CMKLR1: variants seen among roughly 807,000 people sequenced by gnomAD.
CMKLR1 encodes chemerin-like receptor 1.
Under a neutral mutation model 8.2 loss-of-function variants are expected in CMKLR1, and 6 were observed. That is an observed-to-expected ratio of 0.73 (90% confidence interval 0.40 to 1.44). The LOEUF (loss-of-function observed/expected upper bound fraction) is 1.44, where lower values mean the gene tolerates loss of function less well. Ranked by LOEUF, CMKLR1 falls within the 40% of genes most tolerant of loss-of-function variation. The probability of loss-of-function intolerance (pLI) is 0.02; values close to 1 mark genes in which losing one functional copy is unlikely to be tolerated. For synonymous variants in CMKLR1, 178 were observed against 181.2 expected, an observed-to-expected ratio of 0.98 and a Z score of 0.14; for missense variants, 429 against 478.0, an observed-to-expected ratio of 0.90 and a Z score of 0.96.
chr12:108,325,009 C>T (rs1317203553), intron 2 of CMKLR1, among the ~76,000 whole-genome samples: 1 of 152,126 alleles, frequency 6.6e-6, no homozygotes, highest in African/African-American at 2.4e-5. Context: ...TGGAAGACCA[C>T]AGCTGGTTCA....
In CMKLR1 at chr12:108,292,650, A is replaced by G; in HGVS notation, c.313T>C (p.Trp105Arg). ...HITYAAMDYH[W>R]VFGTAMCKIS... ...TTGCACATGGCTGTCCCGAAAACCC[A>G]GTGGTAGTCCATGGCGGCATAGGTG... The change falls in exon 4 of 4, where the codon TGG becomes CGG. Residue 105 changes from tryptophan (W) to arginine (R), a missense_variant. By Grantham distance (101) the Trp-to-Arg change is moderately radical (BLOSUM62 -3). Coordinates refer to ENST00000550402, the MANE Select transcript of CMKLR1 (RefSeq NM_001142343.2). 1 of 1,614,198 alleles carries G rather than the reference A, an allele frequency of 6.2e-7. No homozygotes were observed. Among genetic ancestry groups the G allele is most frequent in the Non-Finnish European group, 8.5e-7 (1 of 1,180,044 alleles).
chr12:108,321,827 C>T (rs1034597072), intron 2 of CMKLR1, among the ~76,000 whole-genome samples: 1 of 152,166 alleles, frequency 6.6e-6, no homozygotes, highest in African/African-American at 2.4e-5. Context: ...GAATTGAGCA[C>T]ATATGGTGAT....
At chr12:108,318,120 C>A (rs1891776837) in intron 2 of CMKLR1, among the ~76,000 whole-genome samples, 1 of 152,154 alleles carries the variant, frequency 6.6e-6, no homozygotes. Context: ...TTAACTAGTC[C>A]CAGGGATGGG....
chr12:108,321,192 C>G (rs1891853542), intron 2 of CMKLR1, among the ~76,000 whole-genome samples: 1 of 152,208 alleles, frequency 6.6e-6, no homozygotes, highest in African/African-American at 2.4e-5. Flanking sequence ...GAGAGCACAG[C>G]TTGGACTGGA....
chr12:108,332,896 C>T (rs55764666), intron 1 of CMKLR1, among the ~76,000 whole-genome samples: 1,924 of 152,214 alleles, frequency 0.013, 20 homozygotes, highest in Middle Eastern at 0.02. Context: ...ATTACTTAAG[C>T]CCCAGAGGTC....
intron 2 of CMKLR1, among the ~76,000 whole-genome samples, chr12:108,303,012 C>T (rs967931797): frequency 8.5e-5 from 13 of 152,162 alleles, no homozygotes; most frequent in Admixed American, 7.2e-4. Flanking sequence ...ACAAACACTC[C>T]GATCCCTGCC....
chr12:108,309,529 C>G (rs569529428), intron 2 of CMKLR1, among the ~76,000 whole-genome samples: 1 of 150,344 alleles, frequency 6.7e-6, no homozygotes, highest in Non-Finnish European at 1.5e-5. Flanking sequence ...GGTGAGACCT[C>G]CATCTCCAAA....
chr12:108,334,982 T>C (rs1053300887), intron 1 of CMKLR1, among the ~76,000 whole-genome samples: 1 of 152,186 alleles, frequency 6.6e-6, no homozygotes, highest in Non-Finnish European at 1.5e-5. Flanking sequence ...GAAAAATCCA[T>C]GTTTAGGGGC....
At position 108,292,055 on chromosome 12, in the gene CMKLR1, G is replaced by A; in HGVS notation, c.908C>T (p.Ala303Val). The A allele has an allele frequency of 1.2e-6, 2 of 1,614,218 alleles. No individual in the cohort carries two copies. The highest frequency in any genetic ancestry group is 8.5e-7 in the Non-Finnish European group (1 of 1,180,030). ...CATGCAGCTGTTGGCAATGGCAAGG[G>A]CAGTGGCCAGGGGCAAACCCAGGCT... The part of the protein sequence containing the change: ...VFSLGLPLAT[A>V]LAIANSCMNP... The change falls in exon 4 of 4, where the codon GCC becomes GTC. Residue 303 changes from alanine (A) to valine (V), a missense_variant. Coordinates refer to ENST00000550402, the MANE Select transcript of CMKLR1 (RefSeq NM_001142343.2).
At chr12:108,338,604 G>C (rs150560469) in intron 1 of CMKLR1, among the ~76,000 whole-genome samples, 33 of 152,094 alleles carry the variant, frequency 2.2e-4, no homozygotes, top group African/African-American at 5.8e-4. Context: ...ATTTCTAAAA[G>C]GTATTCATAA....
Position 108,324,611 on chromosome 12 carries a change from T to C in CMKLR1, c.-74+5384A>G, listed in dbSNP as rs565126330. Among the ~76,000 whole-genome samples, 337 of 152,356 alleles carry C rather than the reference T, an allele frequency of 2.2e-3. 1 individual carries two copies. The highest frequency in any genetic ancestry group is 8.0e-3 in the African/African-American group (332 of 41,576). On this transcript the variant is annotated intron_variant, in intron 2 of 3. Coordinates refer to ENST00000550402, the MANE Select transcript of CMKLR1 (RefSeq NM_001142343.2). ...CATCTTTAAATGCATGGGCCTATTA[T>C]GGCACTGAATGCAAAGTTCCCAAGC...
rs1342225025 is a variant in CMKLR1 at position 108,292,313 on chromosome 12, T to A, written c.650A>T (p.His217Leu). Residue 217 changes from histidine (H) to leucine (L), a missense_variant, in exon 4 of 4, where the codon CAC (histidine) becomes CTC (leucine). Physicochemically the swap from His to Leu is moderately conservative, Grantham distance 99. Coordinates refer to ENST00000550402, the MANE Select transcript of CMKLR1 (RefSeq NM_001142343.2). Reference sequence around the variant, plus strand: ...GAAGCGGGTGACAGTCACCACCATGTGCCGGCTATACCCCACAGGGTCCAT... The same window carrying A: ...GAAGCGGGTGACAGTCACCACCATGAGCCGGCTATACCCCACAGGGTCCAT... ...SQMDPVGYSR[H>L]MVVTVTRFLC... 6.2e-7 allele frequency: 1 copy of A among 1,614,054 alleles called. No individual in the cohort carries two copies. The highest frequency in any genetic ancestry group is 8.5e-7 in the Non-Finnish European group (1 of 1,180,038).
intron 1 of CMKLR1, among the ~76,000 whole-genome samples, chr12:108,331,187 C>G (rs910324618): frequency 2.0e-5 from 3 of 152,132 alleles, no homozygotes; most frequent in African/African-American, 7.2e-5. Context: ...CTACCAGGTG[C>G]CAGACACTTA....
At chr12:108,331,288 A>T (rs1336640015) in intron 1 of CMKLR1, among the ~76,000 whole-genome samples, 1 of 152,170 alleles carries the variant, frequency 6.6e-6, no homozygotes, top group Non-Finnish European at 1.5e-5. Flanking sequence ...CCTCGTTCAG[A>T]GTCAGCAGGT....
intron 2 of CMKLR1, among the ~76,000 whole-genome samples, chr12:108,322,280 G>A (rs1419915398): frequency 3.3e-5 from 5 of 152,164 alleles, no homozygotes; most frequent in Non-Finnish European, 7.3e-5. Context: ...GGCTTGGGGA[G>A]GGAAGCTCAG....
intron 2 of CMKLR1, among the ~76,000 whole-genome samples, chr12:108,308,116 G>A (rs1891454479): frequency 6.6e-6 from 1 of 152,110 alleles, no homozygotes; most frequent in African/African-American, 2.4e-5. Context: ...CATATCATCT[G>A]GAAGTAGGTT....
At chr12:108,331,566 T>C (rs1892109209) in intron 1 of CMKLR1, among the ~76,000 whole-genome samples, 1 of 152,236 alleles carries the variant, frequency 6.6e-6, no homozygotes, top group Admixed American at 6.5e-5. Flanking sequence ...GTCCACATCC[T>C]AATCCCCAGA....
At chr12:108,316,473 C>A (rs4964674) in intron 2 of CMKLR1, among the ~76,000 whole-genome samples, 8,393 of 152,092 alleles carry the variant, frequency 0.055, 634 homozygotes, top group African/African-American at 0.16. Flanking sequence ...GAGGACAGAG[C>A]GGTCAGGGCA....
chr12:108,301,378 G>A lies in CMKLR1; in HGVS notation c.-73-7714C>T, dbSNP rs576687210. 3.9e-5 allele frequency among the ~76,000 whole-genome samples: 6 copies of A among 151,954 alleles called. No homozygotes were observed. In the East Asian group the frequency reaches 7.8e-4, roughly 20 times the overall value. ...GGTATGAGCCACCGTGCTCGGCCGC[G>A]TCCACCCAAGTTTTCTATCAGTACC... On this transcript the variant is annotated intron_variant, in intron 2 of 3. Coordinates refer to ENST00000550402, the MANE Select transcript of CMKLR1 (RefSeq NM_001142343.2).
Sources: allele counts gnomAD v4.1 joint callset (sites outside exome capture counted in the v4.1 genomes callset), GRCh38; gene constraint gnomAD v4.1.1; transcripts MANE v1.5; gene names NCBI Gene and HGNC (gene_info 2026-07-23, HGNC 2026-07-21).